The following PPP1R9A variants were observed in gnomAD, a reference collection of about 807,000 sequenced individuals.
PPP1R9A encodes the protein protein phosphatase 1 regulatory subunit 9A.
In PPP1R9A, 59 loss-of-function variants were observed where a neutral mutation model predicts 141.9. That is an observed-to-expected ratio of 0.42 (90% CI 0.34 to 0.52). The LOEUF (loss-of-function observed/expected upper bound fraction) is 0.52, where lower values mean the gene tolerates loss of function less well. PPP1R9A is among the 20% of genes least tolerant of loss of function. PPP1R9A has a pLI of 0.10. For missense variants in PPP1R9A, 1,444 were observed against 1,611.9 expected, an observed-to-expected ratio of 0.90 and a Z score of 1.78; for synonymous variants, 500 against 569.7, an observed-to-expected ratio of 0.88 and a Z score of 1.74.
At chr7:95,261,520 A>G (rs1232182152) in intron 12 of PPP1R9A, among the ~76,000 whole-genome samples, 1 of 151,996 alleles carries the variant, frequency 6.6e-6, no homozygotes, top group African/African-American at 2.4e-5. Flanking sequence ...TGATGACACT[A>G]AGGGTTTTTT....
intron 4 of PPP1R9A, among the ~76,000 whole-genome samples, chr7:95,153,729 G>A (rs1211820062): frequency 6.6e-6 from 1 of 152,180 alleles, no homozygotes; most frequent in African/African-American, 2.4e-5. Context: ...GTTCTTGCTT[G>A]AAAGTTTGGT....
rs770740859 is a variant in PPP1R9A at position 95,198,453 on chromosome 7, A to G, written c.1859A>G (p.His620Arg). The G allele has an allele frequency of 3.1e-6, 5 of 1,608,302 alleles. No individual in the cohort carries two copies. The highest frequency in any genetic ancestry group is 3.4e-5 in the Admixed American group (2 of 58,192). The change falls in exon 6 of 20, where the codon CAC becomes CGC. Residue 620 changes from histidine (H) to arginine (R), a missense_variant. Transcript: ENST00000433360. ...CGCCAGAGAGAGCTGCTGGAACAGC[A>G]CTATGCCCAGTATGATGCCGACGAT... ...ERRQRELLEQ[H>R]YAQYDADDDE...
At chr7:95,274,897 AT>A (rs1376288487) in intron 16 of PPP1R9A, among the ~76,000 whole-genome samples, 1 of 152,170 alleles carries the variant, frequency 6.6e-6, no homozygotes. Flanking sequence ...TCATTTCCTC[AT>A]GTAAAATGAG....
chr7:94,981,828 A>AT (rs1262061746), intron 2 of PPP1R9A, among the ~76,000 whole-genome samples: 1 of 151,716 alleles, frequency 6.6e-6, no homozygotes, highest in East Asian at 1.9e-4. Flanking sequence ...ATTTAATTTA[A>AT]TTTTTTTTAA....
At chr7:95,072,769 TA>T (rs1384885555) in intron 2 of PPP1R9A, among the ~76,000 whole-genome samples, 10 of 105,676 alleles carry the variant, frequency 9.5e-5, no homozygotes, top group Admixed American at 2.8e-4. Context: ...TAAATATATA[TA>T]TTAAATATAT....
intron 3 of PPP1R9A, among the ~76,000 whole-genome samples, chr7:95,112,264 G>A (rs1336285742): frequency 2.0e-5 from 3 of 151,958 alleles, no homozygotes; most frequent in Non-Finnish European, 4.4e-5. Context: ...ACACGAACAG[G>A]TATTTCTTAA....
At chr7:95,207,467 C>T (rs1791074022) in intron 7 of PPP1R9A, among the ~76,000 whole-genome samples, 1 of 151,970 alleles carries the variant, frequency 6.6e-6, no homozygotes, top group African/African-American at 2.4e-5. Context: ...CTTATAGGTC[C>T]ATCCCATTCA....
intron 12 of PPP1R9A, among the ~76,000 whole-genome samples, chr7:95,257,114 T>A (rs1194015457): frequency 6.6e-6 from 1 of 152,076 alleles, no homozygotes; most frequent in Non-Finnish European, 1.5e-5. Flanking sequence ...AGGGCCAAGG[T>A]GAATTGCTTG....
chr7:95,160,001 G>A (rs1231372404), intron 4 of PPP1R9A, among the ~76,000 whole-genome samples: 1 of 151,290 alleles, frequency 6.6e-6, no homozygotes, highest in East Asian at 1.9e-4. Flanking sequence ...TTTTATAAAG[G>A]TGAGTATTGG....
intron 2 of PPP1R9A, among the ~76,000 whole-genome samples, chr7:94,963,212 G>T (rs1438525806): frequency 2.6e-5 from 4 of 152,082 alleles, no homozygotes; most frequent in Non-Finnish European, 5.9e-5. Context: ...TTAGGAATTT[G>T]AAATGAATTT....
intron 4 of PPP1R9A, among the ~76,000 whole-genome samples, chr7:95,124,176 G>A (rs985135697): frequency 1.3e-5 from 2 of 152,066 alleles, no homozygotes; most frequent in Non-Finnish European, 2.9e-5. Flanking sequence ...TTTGCACAGT[G>A]TTTACTGTTT....
chr7:95,201,068 T>C (rs1789470483), intron 6 of PPP1R9A, among the ~76,000 whole-genome samples: 1 of 152,140 alleles, frequency 6.6e-6, no homozygotes. Flanking sequence ...TGATGGAGTT[T>C]AGGTTCTATG....
intron 4 of PPP1R9A, among the ~76,000 whole-genome samples, chr7:95,137,782 GT>G (rs1825933121): frequency 6.6e-6 from 1 of 152,142 alleles, no homozygotes; most frequent in South Asian, 2.1e-4. Context: ...AAAGAACAAA[GT>G]TAGAGGACTG....
At chr7:95,117,726 A>G (rs1821765755) in intron 3 of PPP1R9A, among the ~76,000 whole-genome samples, 1 of 152,160 alleles carries the variant, frequency 6.6e-6, no homozygotes, top group Admixed American at 6.6e-5. Flanking sequence ...GGTAATGAGT[A>G]TGGGAAAGTT....
intron 2 of PPP1R9A, among the ~76,000 whole-genome samples, chr7:94,950,980 T>C (rs888444494): frequency 6.6e-6 from 1 of 152,150 alleles, no homozygotes; most frequent in Non-Finnish European, 1.5e-5. Context: ...ACTCTTGGGC[T>C]CAAGTGATCT....
At chr7:95,215,219 T>A in intron 7 of PPP1R9A, among the ~76,000 whole-genome samples, 1 of 147,720 alleles carries the variant, frequency 6.8e-6, no homozygotes, top group Non-Finnish European at 1.5e-5. Context: ...GAACATGCGG[T>A]GTTTGTTTTT....
chr7:94,973,358 T>TA (rs1054516140), intron 2 of PPP1R9A, among the ~76,000 whole-genome samples: 3 of 152,104 alleles, frequency 2.0e-5, no homozygotes, highest in Non-Finnish European at 4.4e-5. Context: ...AATGATAGGC[T>TA]AAAAAAATGC....
intron 5 of PPP1R9A, among the ~76,000 whole-genome samples, chr7:95,184,415 T>C (rs1343905913): frequency 6.6e-6 from 1 of 152,210 alleles, no homozygotes; most frequent in African/African-American, 2.4e-5. Context: ...ATATAAGAAC[T>C]GGTAACTATA....
At chr7:95,092,715 G>C (rs1202051833) in intron 2 of PPP1R9A, among the ~76,000 whole-genome samples, 1 of 152,172 alleles carries the variant, frequency 6.6e-6, no homozygotes, top group Non-Finnish European at 1.5e-5. Context: ...ATTTAAACAA[G>C]AAAATAGCAT....
Sources: allele counts gnomAD v4.1 joint callset (sites outside exome capture counted in the v4.1 genomes callset), GRCh38; gene constraint gnomAD v4.1.1; transcripts MANE v1.5; gene names NCBI Gene and HGNC (gene_info 2026-07-23, HGNC 2026-07-21).